UPP2: variants seen among roughly 807,000 people sequenced by gnomAD.
UPP2 encodes uridine phosphorylase 2.
A neutral mutation model predicts 26.7 loss-of-function variants in UPP2; 23 were observed. That is an observed-to-expected ratio of 0.86 (90% CI 0.62 to 1.22). UPP2 has a LOEUF of 1.22. UPP2 is among the 50% of genes most tolerant of loss of function. The probability of loss-of-function intolerance (pLI) is 0.00; values close to 1 mark genes in which losing one functional copy is unlikely to be tolerated. For missense variants in UPP2, 387 were observed against 396.7 expected (o/e 0.98, Z 0.21); for synonymous variants, 127 against 141.3 (o/e 0.90, Z 0.72).
chr2:158,031,262 C>A (rs1683915986), intron 3 of UPP2, among the ~76,000 whole-genome samples: 1 of 152,046 alleles, frequency 6.6e-6, no homozygotes, highest in Admixed American at 6.6e-5. Flanking sequence ...AAGTGAGGGC[C>A]AGGAAGGAGA....
At chr2:158,021,932 G>A (rs1226607927) in intron 3 of UPP2, among the ~76,000 whole-genome samples, 1 of 151,572 alleles carries the variant, frequency 6.6e-6, no homozygotes, top group Non-Finnish European at 1.5e-5. Context: ...CAAGTAATTA[G>A]AAAATATATA....
chr2:157,996,757 A>G (rs1683329818), intron 2 of UPP2, among the ~76,000 whole-genome samples: 1 of 152,190 alleles, frequency 6.6e-6, no homozygotes, highest in African/African-American at 2.4e-5. Flanking sequence ...GATGAAGCAT[A>G]TTGATTAAAC....
chr2:158,103,627 T>A (rs1683121340), intron 1 of UPP2, among the ~76,000 whole-genome samples: 1 of 152,234 alleles, frequency 6.6e-6, no homozygotes, highest in Non-Finnish European at 1.5e-5. Flanking sequence ...GAAAGTAGTC[T>A]TGGCAGAGTG....
At chr2:158,104,842 A>C (rs751957071) in intron 1 of UPP2, among the ~76,000 whole-genome samples, 12 of 150,816 alleles carry the variant, frequency 8.0e-5, no homozygotes, top group Non-Finnish European at 1.8e-4. Flanking sequence ...GAATCGCTTG[A>C]ACCAGGAGGC....
chr2:158,037,163 A>G (rs1464973030), intron 3 of UPP2, among the ~76,000 whole-genome samples: 2 of 152,078 alleles, frequency 1.3e-5, no homozygotes, highest in Admixed American at 6.6e-5. Context: ...TAACGAGGTC[A>G]GGAGTTTGAG....
At chr2:158,098,731 C>G (rs941663992), upstream of UPP2, among the ~76,000 whole-genome samples, 2 of 152,234 alleles carry the variant, frequency 1.3e-5, no homozygotes, top group Non-Finnish European at 2.9e-5. Context: ...GAAAATAAAT[C>G]ATCTAAATGA....
chr2:158,134,910 C>T lies in UPP2; in HGVS notation c.*20C>T, dbSNP rs767344268. 35 of 1,593,174 alleles carry T rather than the reference C, an allele frequency of 2.2e-5. No individual in the cohort carries two copies. The highest frequency in any genetic ancestry group is 3.3e-4 in the Middle Eastern group (2 of 5,974). Reference sequence around the variant, plus strand: ...GACTAGACGTCCTAACTGGGCAGCCCAACCCTCCCCTGCAAGTTTGTAGCT... The same window carrying T: ...GACTAGACGTCCTAACTGGGCAGCCTAACCCTCCCCTGCAAGTTTGTAGCT... On this transcript the variant is annotated 3_prime_UTR_variant, in exon 7 of 7. Coordinates refer to ENST00000005756, the MANE Select transcript of UPP2 (RefSeq NM_173355.4).
At chr2:158,101,751 T>C (rs750501943), upstream of UPP2, 28 of 838,518 alleles carry the variant, frequency 3.3e-5, 1 homozygote, top group Admixed American at 6.3e-4. Flanking sequence ...GTTAACAAGC[T>C]AACCAACCTG....
At chr2:158,115,317 A>T in intron 3 of UPP2, 58 bp downstream of exon 3, 1 of 1,497,912 alleles carries the variant, frequency 6.7e-7, no homozygotes, top group Non-Finnish European at 8.9e-7. Context: ...AAAAGTGGGA[A>T]CTTTTACATG....
chr2:158,122,424 T>C (rs1683589724), intron 5 of UPP2, among the ~76,000 whole-genome samples: 1 of 152,092 alleles, frequency 6.6e-6, no homozygotes, highest in Admixed American at 6.5e-5. Context: ...TACTTCCGGT[T>C]AGTAAAGGTG....
intron 3 of UPP2, among the ~76,000 whole-genome samples, chr2:158,023,554 C>A (rs1292501480): frequency 1.3e-5 from 2 of 152,070 alleles, no homozygotes; most frequent in Non-Finnish European, 2.9e-5. Flanking sequence ...GCGACCTGTC[C>A]AAGTTCACAA....
At chr2:158,120,586 CAG>C (rs1340832270) in intron 4 of UPP2, among the ~76,000 whole-genome samples, 1 of 151,986 alleles carries the variant, frequency 6.6e-6, no homozygotes, top group African/African-American at 2.4e-5. Context: ...AGTGTTAGGA[CAG>C]AGAGAGTCTA....
At chr2:158,015,370 CATG>C (rs1413030447) in intron 2 of UPP2, among the ~76,000 whole-genome samples, 6 of 152,212 alleles carry the variant, frequency 3.9e-5, no homozygotes, top group Non-Finnish European at 7.3e-5. Context: ...TTTCACCTAA[CATG>C]ATATCCTCAA....
At chr2:158,072,287 G>T (rs1190938750) in intron 3 of UPP2, among the ~76,000 whole-genome samples, 1 of 152,122 alleles carries the variant, frequency 6.6e-6, no homozygotes, top group East Asian at 1.9e-4. Flanking sequence ...TTGTTTTGTG[G>T]TTTGAGGGCC....
intron 3 of UPP2, among the ~76,000 whole-genome samples, chr2:158,059,682 G>A (rs114794503): frequency 0.013 from 1,916 of 152,308 alleles, 43 homozygotes; most frequent in African/African-American, 0.044. Flanking sequence ...TTTGTACAAC[G>A]TCTGGCACAC....
intron 2 of UPP2, among the ~76,000 whole-genome samples, chr2:158,109,344 C>G (rs1452294166): frequency 2.6e-5 from 4 of 152,154 alleles, no homozygotes; most frequent in Non-Finnish European, 5.9e-5. Context: ...CTACTTGCTA[C>G]TGCAAAATCT....
intron 3 of UPP2, among the ~76,000 whole-genome samples, chr2:158,063,025 A>G (rs1258338058): frequency 6.6e-6 from 1 of 152,190 alleles, no homozygotes; most frequent in Non-Finnish European, 1.5e-5. Flanking sequence ...CAAGCTGACA[A>G]ACACAGTTTC....
chr2:158,119,211 A>G (rs928568878), intron 4 of UPP2, among the ~76,000 whole-genome samples: 3 of 152,094 alleles, frequency 2.0e-5, no homozygotes, highest in African/African-American at 7.2e-5. Context: ...TGCTACAGTT[A>G]CCACTTGATA....
intron 3 of UPP2, among the ~76,000 whole-genome samples, chr2:158,052,110 T>A (rs1315001342): frequency 6.6e-6 from 1 of 152,204 alleles, no homozygotes; most frequent in Non-Finnish European, 1.5e-5. Flanking sequence ...AAATATTATG[T>A]GGGACATACT....
Sources: allele counts gnomAD v4.1 joint callset (sites outside exome capture counted in the v4.1 genomes callset), GRCh38; gene constraint gnomAD v4.1.1; transcripts MANE v1.5; gene names NCBI Gene and HGNC (gene_info 2026-07-23, HGNC 2026-07-21).